HIBADH: variants seen among roughly 807,000 people sequenced by gnomAD.
HIBADH encodes 3-hydroxyisobutyrate dehydrogenase.
HIBADH carries 25 observed loss-of-function variants against 36.1 expected under a neutral mutation model. That is an observed-to-expected ratio of 0.69 (90% CI 0.50 to 0.97). The LOEUF is 0.97. HIBADH is among the 50% of genes least tolerant of loss of function. The probability of loss-of-function intolerance (pLI) is 0.00; values close to 1 mark genes in which losing one functional copy is unlikely to be tolerated. For missense variants in HIBADH, 421 were observed against 418.0 expected (o/e 1.01, Z -0.06); for synonymous variants, 160 against 149.5 (o/e 1.07, Z -0.51).
intron 4 of HIBADH, among the ~76,000 whole-genome samples, chr7:27,572,201 T>C (rs1784639402): frequency 6.6e-6 from 1 of 152,234 alleles, no homozygotes; most frequent in African/African-American, 2.4e-5. Context: ...CTGGCTTTAT[T>C]TATTATTCTT....
At chr7:27,551,940 C>A (rs1784324550) in intron 4 of HIBADH, among the ~76,000 whole-genome samples, 1 of 152,172 alleles carries the variant, frequency 6.6e-6, no homozygotes, top group South Asian at 2.1e-4. Context: ...TGCAGCCTCA[C>A]AAGGGGCTGC....
In HIBADH at chr7:27,646,853, G is replaced by A. The variant is rs139943963; in HGVS notation, c.252+2620C>T. Among the ~76,000 whole-genome samples the A allele has an allele frequency of 1.4e-3, 218 of 151,858 alleles. 1 individual carries two copies. The highest frequency in any genetic ancestry group is 5.0e-3 in the African/African-American group (208 of 41,410). On this transcript the variant is annotated intron_variant, in intron 2 of 7. Transcript: ENST00000265395. The stretch of plus-strand genomic sequence containing the variant: ...TGAAACCACAGACACACGCCACCGC[G>A]CCTGGCTAATTTTTGTATTTTTAGT...
intron 6 of HIBADH, among the ~76,000 whole-genome samples, chr7:27,531,799 CTG>C (rs35711061): frequency 0.029 from 4,452 of 152,022 alleles, 198 homozygotes; most frequent in African/African-American, 0.1. Context: ...TCATGGGAGT[CTG>C]TGTGAATGCA....
intron 4 of HIBADH, among the ~76,000 whole-genome samples, chr7:27,619,031 C>T (rs1785488543): frequency 6.6e-6 from 1 of 152,138 alleles, no homozygotes; most frequent in African/African-American, 2.4e-5. Context: ...AGACAAATAT[C>T]CAAACTGTAT....
intron 1 of HIBADH, among the ~76,000 whole-genome samples, chr7:27,653,596 G>A (rs891378761): frequency 6.6e-6 from 1 of 152,118 alleles, no homozygotes; most frequent in African/African-American, 2.4e-5. Context: ...AATTAGCCGG[G>A]TGTAGTGGCA....
chr7:27,602,700 T>C (rs867881713), intron 4 of HIBADH, among the ~76,000 whole-genome samples: 1 of 152,048 alleles, frequency 6.6e-6, no homozygotes, highest in Non-Finnish European at 1.5e-5. Context: ...TAAAAAAAAT[T>C]TTTTTAAACC....
chr7:27,629,426 C>T lies in HIBADH; in HGVS notation c.429G>A (p.Leu143=), dbSNP rs767967911. The T allele has an allele frequency of 1.7e-5, 27 of 1,611,730 alleles. No homozygotes were observed. The highest frequency in any genetic ancestry group is 2.3e-5 in the Non-Finnish European group (27 of 1,178,754). Residue 143 remains leucine, a synonymous_variant, in exon 4 of 8, where the codon TTG becomes TTA. Coordinates refer to ENST00000265395, the MANE Select transcript of HIBADH (RefSeq NM_152740.4). The stretch of plus-strand genomic sequence containing the variant: ...CTCCCATTTTCTCAACTTCTTTGGC[C>T]AATTCTTTTGAAACTGCAGGATCAA... ...STIDPAVSKE[L]AKEVEKMGAV...
chr7:27,582,423 C>G (rs570402541), intron 4 of HIBADH, among the ~76,000 whole-genome samples: 2 of 152,162 alleles, frequency 1.3e-5, no homozygotes, highest in East Asian at 3.9e-4. Context: ...TGCTATAATT[C>G]TAAAACAAAA....
chr7:27,571,583 T>C (rs1005414623), intron 4 of HIBADH, among the ~76,000 whole-genome samples: 1 of 152,202 alleles, frequency 6.6e-6, no homozygotes, highest in African/African-American at 2.4e-5. Context: ...TTTGGAAACA[T>C]CAGTATCTAC....
rs533685371 is a variant in HIBADH at position 27,526,103 on chromosome 7, C to T, written c.*111G>A. The T allele has an allele frequency of 3.1e-5, 27 of 883,578 alleles. No homozygotes were observed. In the African/African-American group the frequency reaches 4.2e-4, roughly 14 times the overall value. The allele number at this position is 883,578 out of a possible 1,614,324, so 54.7% of individuals were successfully genotyped here. ...TAGGGATTACTGTGACCTAGACAAT[C>T]AAAAGCAGATAGGTGACCTTTGATT... On this transcript the variant is annotated 3_prime_UTR_variant, in exon 8 of 8. Coordinates refer to ENST00000265395, the MANE Select transcript of HIBADH (RefSeq NM_152740.4).
chr7:27,587,872 A>C (rs1428706126), intron 4 of HIBADH, among the ~76,000 whole-genome samples: 1 of 152,238 alleles, frequency 6.6e-6, no homozygotes, highest in Non-Finnish European at 1.5e-5. Flanking sequence ...TCAACTGAGG[A>C]GGTAAGAGAA....
chr7:27,573,170 T>TA (rs918232499), intron 4 of HIBADH, among the ~76,000 whole-genome samples: 1 of 152,210 alleles, frequency 6.6e-6, no homozygotes. Context: ...AAACTCCAGA[T>TA]ACACTGACTC....
chr7:27,557,471 CA>C (rs1171462438), intron 4 of HIBADH, among the ~76,000 whole-genome samples: 1 of 152,118 alleles, frequency 6.6e-6, no homozygotes, highest in African/African-American at 2.4e-5. Context: ...GTGCTCCTAT[CA>C]CAGAATATCA....
chr7:27,626,210 A>G (rs990811097), intron 4 of HIBADH, among the ~76,000 whole-genome samples: 2 of 151,970 alleles, frequency 1.3e-5, no homozygotes, highest in African/African-American at 4.8e-5. Flanking sequence ...CCAGTATCAA[A>G]ACATTTCATC....
intron 2 of HIBADH, among the ~76,000 whole-genome samples, chr7:27,648,682 G>A (rs987313822): frequency 6.6e-6 from 1 of 152,068 alleles, no homozygotes; most frequent in Non-Finnish European, 1.5e-5. Flanking sequence ...CTGATACATG[G>A]TCTCCTGTAA....
chr7:27,595,010 T>C (rs1249564124), intron 4 of HIBADH, among the ~76,000 whole-genome samples: 1 of 152,212 alleles, frequency 6.6e-6, no homozygotes. Context: ...TACATAAATT[T>C]CTTTTTAATT....
intron 4 of HIBADH, among the ~76,000 whole-genome samples, chr7:27,573,159 A>G (rs973744151): frequency 3.9e-5 from 6 of 152,208 alleles, no homozygotes; most frequent in Non-Finnish European, 5.9e-5. Flanking sequence ...TAGAACAAAC[A>G]AAACTCCAGA....
intron 4 of HIBADH, among the ~76,000 whole-genome samples, chr7:27,573,456 G>C (rs184963721): frequency 1.3e-5 from 2 of 152,108 alleles, no homozygotes; most frequent in Non-Finnish European, 2.9e-5. Flanking sequence ...ATTAGACATC[G>C]TCTAGACTAG....
intron 5 of HIBADH, chr7:27,541,587 G>T: frequency 3.9e-6 from 1 of 254,020 alleles, no homozygotes; most frequent in South Asian, 3.9e-5. Flanking sequence ...TGTTTATCTT[G>T]AAATGGAGGG....
Sources: gnomAD v4.1 joint callset for allele counts (sites outside exome capture counted in the v4.1 genomes callset) on GRCh38, gnomAD v4.1.1 for gene constraint, MANE v1.5 for transcripts, NCBI Gene and HGNC (gene_info 2026-07-23, HGNC 2026-07-21) for gene names.